Variants in PDE4D observed in about 807,000 individuals in gnomAD.
PDE4D encodes phosphodiesterase 4D.
In PDE4D, 24 loss-of-function variants were observed where a neutral mutation model predicts 87.4. The observed-to-expected ratio is 0.27, with a 90% CI of 0.20 to 0.39. The LOEUF (loss-of-function observed/expected upper bound fraction) is 0.39, where lower values mean the gene tolerates loss of function less well. Ranked by LOEUF, PDE4D falls within the 10% of genes least tolerant of loss-of-function variation. PDE4D has a pLI of 1.00. For missense variants in PDE4D, 714 were observed against 1,041.0 expected, an observed-to-expected ratio of 0.69 and a Z score of 4.32; for synonymous variants, 384 against 383.2, an observed-to-expected ratio of 1.00 and a Z score of -0.02.
intron 11 of PDE4D, among the ~76,000 whole-genome samples, chr5:58,987,565 T>C (rs1381243228): frequency 6.6e-6 from 1 of 152,192 alleles, no homozygotes; most frequent in Non-Finnish European, 1.5e-5. Context: ...AGGAAATGAA[T>C]GGTGAATTCA....
chr5:60,300,118 T>C (rs1753765613), intron 1 of PDE4D, among the ~76,000 whole-genome samples: 1 of 152,198 alleles, frequency 6.6e-6, no homozygotes, highest in African/African-American at 2.4e-5. Flanking sequence ...AGTATCTCAT[T>C]GTGGTTTTGA....
intron 1 of PDE4D, among the ~76,000 whole-genome samples, chr5:59,557,441 C>T (rs1246609800): frequency 1.3e-5 from 2 of 151,862 alleles, no homozygotes; most frequent in Non-Finnish European, 2.9e-5. Flanking sequence ...GCCACCCCTG[C>T]CGCCATTGCC....
chr5:60,150,155 T>C (rs1781384464), intron 2 of PDE4D, among the ~76,000 whole-genome samples: 1 of 151,318 alleles, frequency 6.6e-6, no homozygotes, highest in Non-Finnish European at 1.5e-5. Flanking sequence ...TATAATATTC[T>C]AAATTAGTAA....
chr5:59,966,380 A>C (rs1425074252), intron 3 of PDE4D, among the ~76,000 whole-genome samples: 1 of 152,182 alleles, frequency 6.6e-6, no homozygotes, highest in African/African-American at 2.4e-5. Flanking sequence ...TTTCAGAGGC[A>C]TTTACAAAAA....
chr5:59,262,328 A>G (rs1372035708), intron 1 of PDE4D, among the ~76,000 whole-genome samples: 1 of 152,016 alleles, frequency 6.6e-6, no homozygotes, highest in Non-Finnish European at 1.5e-5. Flanking sequence ...TTTAAGGACT[A>G]TATATTTTAA....
In PDE4D at chr5:60,127,597, G is replaced by A. The variant is rs11955327; in HGVS notation, c.42+57960C>T. On this transcript the variant is annotated intron_variant, in intron 2 of 16. Transcript: ENST00000502484. ...TAGGGTACTTACAGCAACTGAGGGAGGAAGATGAAGGTGAAGAATTGGATG... is the reference window on the plus strand; with the variant it reads ...TAGGGTACTTACAGCAACTGAGGGAAGAAGATGAAGGTGAAGAATTGGATG... 7.5e-3 allele frequency: 3,856 copies of A among 513,926 alleles called. 32 individuals are homozygous for A. The highest frequency in any genetic ancestry group is 0.024 in the Middle Eastern group (85 of 3,578). The allele number at this position is 513,926 out of a possible 1,614,324, so 31.8% of individuals were successfully genotyped here. A position where few individuals can be genotyped will look rare whatever the true frequency, so the allele number is the denominator to read the frequency against.
intron 2 of PDE4D, among the ~76,000 whole-genome samples, chr5:59,212,730 C>T (rs1018693333): frequency 7.9e-5 from 12 of 152,202 alleles, no homozygotes; most frequent in African/African-American, 2.6e-4. Context: ...ATGGACTCCA[C>T]TAACTCACTG....
At chr5:59,029,581 C>T (rs1756953343) in intron 6 of PDE4D, among the ~76,000 whole-genome samples, 1 of 151,872 alleles carries the variant, frequency 6.6e-6, no homozygotes, top group Admixed American at 6.6e-5. Flanking sequence ...GTTAAAATGT[C>T]CACACTATCC....
chr5:59,179,563 C>T (rs909934002), intron 5 of PDE4D: 2 of 360,270 alleles, frequency 5.6e-6, no homozygotes, highest in Admixed American at 4.1e-5. Context: ...CACTTGATGA[C>T]ATTCAGAAAA....
In PDE4D at chr5:60,368,702, G is replaced by A. The variant is rs868679005; in HGVS notation, c.-90+119240C>T. ...GGAATGTGATTGCATCATGGGGGCG[G>A]GATGTCCCCCTTGCAGTTCTCGTGA... On this transcript the variant is annotated intron_variant, in intron 1 of 16. Coordinates refer to the PDE4D transcript ENST00000502484. Among the ~76,000 whole-genome samples, 5 of 152,216 alleles carry A rather than the reference G, an allele frequency of 3.3e-5. No individual in the cohort carries two copies. In the South Asian group the frequency reaches 1.0e-3, roughly 32 times the overall value.
upstream of PDE4D, among the ~76,000 whole-genome samples, chr5:59,895,725 C>T (rs1009085214): frequency 5.3e-5 from 8 of 152,186 alleles, no homozygotes; most frequent in African/African-American, 1.4e-4. Flanking sequence ...TGCCACCTTT[C>T]GCCTCAATAT....
intron 1 of PDE4D, among the ~76,000 whole-genome samples, chr5:59,408,296 T>C (rs543759533): frequency 6.6e-6 from 1 of 152,316 alleles, no homozygotes; most frequent in East Asian, 1.9e-4. Context: ...CTCTGGAGCA[T>C]GTAAGCTGTA....
intron 2 of PDE4D, among the ~76,000 whole-genome samples, chr5:60,046,976 G>T (rs1025018679): frequency 2.0e-5 from 3 of 152,000 alleles, no homozygotes; most frequent in African/African-American, 7.2e-5. Context: ...GGTAGAATTC[G>T]GCTGTGAATC....
intron 1 of PDE4D, among the ~76,000 whole-genome samples, chr5:60,511,406 A>G (rs1469026044): frequency 6.6e-6 from 1 of 152,096 alleles, no homozygotes; most frequent in Non-Finnish European, 1.5e-5. Context: ...AACTCTAAAG[A>G]ATAAAGTAAG....
At chr5:59,747,913 T>C (rs1580847338) in intron 1 of PDE4D, among the ~76,000 whole-genome samples, 5 of 152,288 alleles carry the variant, frequency 3.3e-5, no homozygotes, top group Admixed American at 2.6e-4. Context: ...CCCTTTCTGC[T>C]GCTTCTTTCT....
At chr5:59,335,453 A>G (rs1220723986) in intron 1 of PDE4D, among the ~76,000 whole-genome samples, 1 of 152,212 alleles carries the variant, frequency 6.6e-6, no homozygotes, top group African/African-American at 2.4e-5. Flanking sequence ...GGCTGTGGTT[A>G]TCAATCTTTG....
At chr5:59,511,972 G>A (rs999432907) in intron 1 of PDE4D, among the ~76,000 whole-genome samples, 5 of 152,150 alleles carry the variant, frequency 3.3e-5, no homozygotes, top group Admixed American at 6.5e-5. Context: ...GTCTGAAGTG[G>A]GTTCAAAGAT....
intron 2 of PDE4D, among the ~76,000 whole-genome samples, chr5:60,039,121 T>C (rs1238141476): frequency 1.3e-5 from 2 of 151,498 alleles, no homozygotes; most frequent in Admixed American, 1.3e-4. Context: ...CATGCTGCTA[T>C]AAAGACACAT....
intron 1 of PDE4D, among the ~76,000 whole-genome samples, chr5:60,422,275 T>C (rs191671625): frequency 6.6e-6 from 1 of 151,944 alleles, no homozygotes; most frequent in Non-Finnish European, 1.5e-5. Flanking sequence ...AAGGAAAAAA[T>C]GTTAAGGGCA....
Sources: allele counts gnomAD v4.1 joint callset (sites outside exome capture counted in the v4.1 genomes callset), GRCh38; gene constraint gnomAD v4.1.1; transcripts MANE v1.5; gene names NCBI Gene and HGNC (gene_info 2026-07-23, HGNC 2026-07-21).